The following ATPAF1 variants were observed in gnomAD, a reference collection of about 807,000 sequenced individuals.
ATPAF1 encodes homolog of yeast ATP11.
Under a neutral mutation model 43.9 loss-of-function variants are expected in ATPAF1, and 26 were observed. The ratio of observed to expected loss-of-function variants is 0.59; its 90% confidence interval spans 0.43 to 0.82. The LOEUF (loss-of-function observed/expected upper bound fraction) is 0.82, where lower values mean the gene tolerates loss of function less well. ATPAF1 is among the 40% of genes least tolerant of loss of function. ATPAF1 has a pLI of 0.00. For synonymous variants in ATPAF1, 157 were observed against 168.0 expected (o/e 0.93, Z 0.50); for missense variants, 366 against 435.0 (o/e 0.84, Z 1.41).
intron 6 of ATPAF1, among the ~76,000 whole-genome samples, chr1:46,647,106 T>A (rs1277484436): frequency 6.6e-6 from 1 of 152,250 alleles, no homozygotes; most frequent in Non-Finnish European, 1.5e-5. Flanking sequence ...GTTGATGTAT[T>A]ACTCTTTATG....
intron 1 of ATPAF1, 192 bp from the exon 2 acceptor site, chr1:46,665,556 C>G: frequency 8.2e-7 from 1 of 1,217,382 alleles, no homozygotes; most frequent in Non-Finnish European, 1.2e-6. Flanking sequence ...TGTTATTCAA[C>G]TGTTGTTAAT....
At chr1:46,638,993 C>T (rs1241872559) in intron 8 of ATPAF1, among the ~76,000 whole-genome samples, 1 of 152,124 alleles carries the variant, frequency 6.6e-6, no homozygotes, top group Non-Finnish European at 1.5e-5. Flanking sequence ...TGCTGTAGTT[C>T]AAGTTTTCAC....
intron 4 of ATPAF1, among the ~76,000 whole-genome samples, chr1:46,655,931 T>A (rs1676263579): frequency 6.6e-6 from 1 of 152,250 alleles, no homozygotes; most frequent in Admixed American, 6.5e-5. Flanking sequence ...CATTTGCATA[T>A]GGATCTATTT....
At chr1:46,638,671 A>G (rs1172264064) in intron 8 of ATPAF1, among the ~76,000 whole-genome samples, 1 of 151,856 alleles carries the variant, frequency 6.6e-6, no homozygotes, top group Non-Finnish European at 1.5e-5. Context: ...TGAGTAGGAT[A>G]GGAAGGTAAG....
chr1:46,637,078 T>C (rs1167620815), intron 8 of ATPAF1, among the ~76,000 whole-genome samples: 1 of 152,246 alleles, frequency 6.6e-6, no homozygotes, highest in Non-Finnish European at 1.5e-5. Flanking sequence ...GTTTGTTGTT[T>C]TAAGCCACTA....
chr1:46,650,603 G>A (rs114214439), intron 6 of ATPAF1, among the ~76,000 whole-genome samples: 4,045 of 152,026 alleles, frequency 0.027, 149 homozygotes, highest in African/African-American at 0.092. Context: ...TCACAATAGC[G>A]AAGATATGGA....
intron 1 of ATPAF1, chr1:46,665,623 G>C (rs1676476583): frequency 6.6e-7 from 1 of 1,513,970 alleles, no homozygotes; most frequent in African/African-American, 1.4e-5. Context: ...GGTTTACACA[G>C]GGCTTAGTCT....
At chr1:46,633,671 T>G (rs1159963369), downstream of ATPAF1, 1 of 452,582 alleles carries the variant, frequency 2.2e-6, no homozygotes, top group Non-Finnish European at 4.4e-6. Flanking sequence ...CCCACACATT[T>G]ATCCATGGAC....
chr1:46,638,107 C>T (rs2148813780), intron 8 of ATPAF1, among the ~76,000 whole-genome samples: 1 of 152,354 alleles, frequency 6.6e-6, no homozygotes, highest in Middle Eastern at 3.4e-3. Flanking sequence ...CCCCTGGCTA[C>T]AGGGCCTCTG....
At chr1:46,661,076 GTT>G (rs750804116) in intron 2 of ATPAF1, among the ~76,000 whole-genome samples, 5 of 142,846 alleles carry the variant, frequency 3.5e-5, no homozygotes, top group African/African-American at 5.1e-5. Flanking sequence ...GGTTTTGGAG[GTT>G]TTTTTTTTTT....
At chr1:46,654,699 C>T (rs1217787144) in intron 4 of ATPAF1, among the ~76,000 whole-genome samples, 1 of 151,880 alleles carries the variant, frequency 6.6e-6, no homozygotes, top group Non-Finnish European at 1.5e-5. Flanking sequence ...CAGCCCTCCA[C>T]CCCCTGACAG....
chr1:46,655,328 G>A (rs918556919), intron 4 of ATPAF1, among the ~76,000 whole-genome samples: 1 of 152,154 alleles, frequency 6.6e-6, no homozygotes, highest in Non-Finnish European at 1.5e-5. Flanking sequence ...ATGTGGAAGA[G>A]ATAAGGTCTG....
chr1:46,636,580 T>G (rs1181168021), intron 8 of ATPAF1, among the ~76,000 whole-genome samples: 1 of 152,164 alleles, frequency 6.6e-6, no homozygotes, highest in Non-Finnish European at 1.5e-5. Flanking sequence ...TTCCCTTTCC[T>G]TGGGTAATGG....
At chr1:46,640,635 AAAAC>A (rs144519905) in intron 8 of ATPAF1, among the ~76,000 whole-genome samples, 11 of 150,360 alleles carry the variant, frequency 7.3e-5, no homozygotes, top group Admixed American at 2.0e-4. Context: ...CTCTGTCTCA[AAAAC>A]AAACAAACAA....
chr1:46,659,442 A>T (rs922374621), intron 2 of ATPAF1, among the ~76,000 whole-genome samples: 4 of 152,146 alleles, frequency 2.6e-5, no homozygotes, highest in Non-Finnish European at 5.9e-5. Flanking sequence ...GAGGTAAGAA[A>T]TGGAAAGATG....
chr1:46,641,023 C>T (rs920649939), intron 8 of ATPAF1, among the ~76,000 whole-genome samples: 1 of 152,116 alleles, frequency 6.6e-6, no homozygotes, highest in African/African-American at 2.4e-5. Flanking sequence ...TCACTTCCCG[C>T]TTTCTCCTGT....
intron 2 of ATPAF1, among the ~76,000 whole-genome samples, chr1:46,661,263 G>A (rs1012660012): frequency 6.6e-6 from 1 of 152,146 alleles, no homozygotes; most frequent in Non-Finnish European, 1.5e-5. Context: ...TTTTAGTAGA[G>A]ACGGGGTTTC....
intron 2 of ATPAF1, chr1:46,663,955 G>C: frequency 8.2e-7 from 1 of 1,224,976 alleles, no homozygotes; most frequent in Non-Finnish European, 1.1e-6. Flanking sequence ...AATAGGTTGT[G>C]AAATACATTT....
intron 2 of ATPAF1, 83 bp from the exon 3 acceptor site, chr1:46,658,820 A>C: frequency 3.5e-5 from 32 of 907,714 alleles, no homozygotes; most frequent in Non-Finnish European, 4.2e-5. Flanking sequence ...ACCCAATCTC[A>C]TTAAATAATT....
Sources: gnomAD v4.1 joint callset for allele counts (sites outside exome capture counted in the v4.1 genomes callset) on GRCh38, gnomAD v4.1.1 for gene constraint, MANE v1.5 for transcripts, NCBI Gene and HGNC (gene_info 2026-07-23, HGNC 2026-07-21) for gene names.